F8: variants seen among roughly 807,000 people sequenced by gnomAD.
The protein encoded by F8 is coagulation factor VIII, also known as antihemophilic factor.
F8 carries 12 observed loss-of-function variants against 140.6 expected under a neutral mutation model. That is an observed-to-expected ratio of 0.09 (90% CI 0.05 to 0.14). The LOEUF (loss-of-function observed/expected upper bound fraction) is 0.14. F8 is among the 10% of genes least tolerant of loss of function. F8 has a pLI of 1.00. For missense variants in F8, 1,354 were observed against 1,720.7 expected, an observed-to-expected ratio of 0.79 and a Z score of 3.77; for synonymous variants, 585 against 614.6, an observed-to-expected ratio of 0.95 and a Z score of 0.71.
chrX:154,912,473 G>A (rs977362150), intron 14 of F8, among the ~76,000 whole-genome samples: 2 of 112,360 alleles, frequency 1.8e-5, no homozygotes, highest in African/African-American at 3.2e-5. Context: ...TTTCACCAAT[G>A]CATATTCTTG....
intron 6 of F8, among the ~76,000 whole-genome samples, chrX:154,972,567 T>C (rs2073461821): frequency 9.0e-6 from 1 of 111,175 alleles, no homozygotes; most frequent in South Asian, 3.7e-4. Flanking sequence ...TACTCATGAT[T>C]TTGAGGTCTT....
intron 2 of F8, among the ~76,000 whole-genome samples, chrX:154,999,125 T>C (rs782519074): frequency 2.7e-5 from 3 of 111,238 alleles, no homozygotes; most frequent in South Asian, 7.5e-4. Flanking sequence ...TTTGGACTAC[T>C]ACCTGAACAA....
At chrX:154,897,146 T>C (rs1455882068) in intron 21 of F8, among the ~76,000 whole-genome samples, 2 of 112,409 alleles carry the variant, frequency 1.8e-5, no homozygotes, top group African/African-American at 6.5e-5. Flanking sequence ...GAGTGAATAA[T>C]GGGAAAGTAG....
At chrX:154,966,743 A>G in intron 7 of F8, 56 bp from the exon 8 acceptor site, 2 of 1,156,019 alleles carry the variant, frequency 1.7e-6, no homozygotes, top group Non-Finnish European at 1.2e-6. Flanking sequence ...AGGCTGTTCT[A>G]TACCAGAGAC....
chrX:154,952,543 A>AT lies in F8; in HGVS notation c.1903+1348dup, dbSNP rs782661825. Among the ~76,000 whole-genome samples, 715 of 96,021 alleles carry AT rather than the reference A, an allele frequency of 7.4e-3. 8 individuals are homozygous for AT. The highest frequency in any genetic ancestry group is 0.019 in the East Asian group (59 of 3,116). 83.4% of individuals were successfully genotyped at this position (96,021 alleles called of 115,157 possible). On this transcript the variant is annotated intron_variant, in intron 12 of 25. Transcript: ENST00000360256. ...AAGGTTCCCATGCATTTCGTTCAGG[A>AT]TTTTTTTTTTTTTTTTTTGAAACGG...
intron 22 of F8, among the ~76,000 whole-genome samples, chrX:154,870,173 G>A (rs782154849): frequency 6.4e-4 from 72 of 111,984 alleles, no homozygotes; most frequent in Non-Finnish European, 1.1e-3. Context: ...AGAAAAAGAG[G>A]GAATCCTCCC....
chrX:154,841,453 C>A (rs1557271340), intron 25 of F8, among the ~76,000 whole-genome samples: 1 of 108,793 alleles, frequency 9.2e-6, no homozygotes, highest in African/African-American at 3.3e-5. Context: ...ATGTGCAACT[C>A]CTGCTTGGAA....
chrX:155,009,371 CCT>C (rs782544144), intron 1 of F8, among the ~76,000 whole-genome samples: 165 of 111,147 alleles, frequency 1.5e-3, no homozygotes, highest in Non-Finnish European at 2.8e-3. Context: ...TATCCTACCC[CCT>C]CTCTGTGCAG....
intron 13 of F8, among the ~76,000 whole-genome samples, chrX:154,943,774 C>A (rs1339337187): frequency 8.9e-6 from 1 of 111,758 alleles, no homozygotes; most frequent in Non-Finnish European, 1.9e-5. Context: ...AACTATGCTA[C>A]AAGGCTACAG....
intron 22 of F8, among the ~76,000 whole-genome samples, chrX:154,869,688 T>G (rs959805543): frequency 1.8e-5 from 2 of 110,606 alleles, no homozygotes; most frequent in African/African-American, 6.6e-5. Flanking sequence ...AGGAAATAAC[T>G]AAGATCAGAG....
At chrX:154,935,981 A>ACAC (rs2073222246) in intron 13 of F8, among the ~76,000 whole-genome samples, 2 of 88,320 alleles carry the variant, frequency 2.3e-5, no homozygotes, top group African/African-American at 4.3e-5. Context: ...ATGCCAAAGT[A>ACAC]ACACACACAC....
intron 9 of F8, among the ~76,000 whole-genome samples, chrX:154,963,067 G>A (rs373909000): frequency 8.9e-6 from 1 of 111,810 alleles, no homozygotes; most frequent in South Asian, 3.8e-4. Context: ...TCCTATCCAT[G>A]AGCATGGAAT....
At chrX:155,014,020 T>C (rs1389563255) in intron 1 of F8, among the ~76,000 whole-genome samples, 1 of 111,109 alleles carries the variant, frequency 9.0e-6, no homozygotes, top group African/African-American at 3.3e-5. Context: ...CTTCAACATA[T>C]GAATTTGGGG....
chrX:154,954,426 A>G (rs1557281002), intron 11 of F8, among the ~76,000 whole-genome samples: 1 of 112,353 alleles, frequency 8.9e-6, no homozygotes, highest in Non-Finnish European at 1.9e-5. Context: ...TAGTTAAGTC[A>G]AATGAGATAC....
chrX:154,984,859 C>T (rs2073550620), intron 5 of F8, 56 bp from the exon 6 acceptor site: 8 of 937,989 alleles, frequency 8.5e-6, no homozygotes, highest in East Asian at 3.1e-5. Flanking sequence ...CATGAATGAC[C>T]GCCTCCCCTT....
intron 25 of F8, among the ~76,000 whole-genome samples, chrX:154,854,404 TAAACTGG>T (rs2072636304): frequency 8.9e-6 from 1 of 112,534 alleles, no homozygotes; most frequent in Non-Finnish European, 1.9e-5. Context: ...TGACTACCTT[TAAACTGG>T]GACTTCAGTT....
intron 13 of F8, among the ~76,000 whole-genome samples, chrX:154,939,325 C>A (rs904004111): frequency 8.9e-6 from 1 of 112,311 alleles, no homozygotes; most frequent in Admixed American, 9.3e-5. Context: ...CCTAATACTG[C>A]GCTCTTCCAA....
At chrX:154,978,403 G>A (rs1221827277) in intron 6 of F8, among the ~76,000 whole-genome samples, 1 of 111,611 alleles carries the variant, frequency 9.0e-6, no homozygotes, top group Non-Finnish European at 1.9e-5. Flanking sequence ...ATACAGGCAT[G>A]TGATGTGAAA....
intron 14 of F8, among the ~76,000 whole-genome samples, chrX:154,910,435 G>T: frequency 1.1e-5 from 1 of 90,496 alleles, no homozygotes; most frequent in African/African-American, 4.0e-5. Flanking sequence ...GTGGGGGGAG[G>T]GATAGCATTG....
Sources: gnomAD v4.1 joint callset for allele counts (sites outside exome capture counted in the v4.1 genomes callset) on GRCh38, gnomAD v4.1.1 for gene constraint, MANE v1.5 for transcripts, NCBI Gene and HGNC (gene_info 2026-07-23, HGNC 2026-07-21) for gene names.